Variants in XRCC5 observed in about 807,000 individuals in gnomAD.
XRCC5 encodes X-ray repair cross complementing 5, also known as DNA repair protein Ku80.
XRCC5 carries 12 observed loss-of-function variants against 95.7 expected under a neutral mutation model. The observed-to-expected ratio is 0.13, with a 90% CI of 0.08 to 0.20. The LOEUF (loss-of-function observed/expected upper bound fraction) is 0.20, where lower values mean the gene tolerates loss of function less well. XRCC5 is among the 10% of genes least tolerant of loss of function. The probability of loss-of-function intolerance (pLI) is 1.00; values close to 1 mark genes in which losing one functional copy is unlikely to be tolerated. For missense variants in XRCC5, 595 were observed against 873.9 expected (o/e 0.68, Z 4.02); for synonymous variants, 281 against 290.3 (o/e 0.97, Z 0.33).
intron 2 of XRCC5, among the ~76,000 whole-genome samples, chr2:216,115,315 GAGTCAGAATCAGGA>G (rs1039924057): frequency 4.6e-5 from 7 of 152,294 alleles, no homozygotes; most frequent in South Asian, 4.1e-4. Context: ...TAGAGAGAAA[GAGTCAGAATCAGGA>G]AGTCAGAATC....
At chr2:216,129,611 T>C (rs904571900) in intron 8 of XRCC5, among the ~76,000 whole-genome samples, 6 of 152,234 alleles carry the variant, frequency 3.9e-5, no homozygotes, top group African/African-American at 1.4e-4. Context: ...ATTTCCCTGT[T>C]AATTTTTTGT....
chr2:216,118,697 G>A (rs549313031), intron 4 of XRCC5, among the ~76,000 whole-genome samples: 1 of 152,296 alleles, frequency 6.6e-6, no homozygotes, highest in East Asian at 1.9e-4. Context: ...TTTAGAAAGT[G>A]AACCTGAGCA....
intron 3 of XRCC5, 80 bp downstream of exon 3, chr2:216,116,922 C>G: frequency 6.7e-7 from 1 of 1,488,938 alleles, no homozygotes; most frequent in Non-Finnish European, 9.2e-7. Context: ...GAGACACCCC[C>G]AGAGTTTCAG....
intron 2 of XRCC5, among the ~76,000 whole-genome samples, 165 bp downstream of exon 2, chr2:216,113,294 A>G (rs1696626953): frequency 6.6e-6 from 1 of 152,142 alleles, no homozygotes; most frequent in Admixed American, 6.5e-5. Flanking sequence ...ACCTACCACT[A>G]GAGTCTGATA....
intron 2 of XRCC5, among the ~76,000 whole-genome samples, chr2:216,114,242 C>G (rs1361478594): frequency 6.6e-6 from 1 of 152,084 alleles, no homozygotes; most frequent in African/African-American, 2.4e-5. Context: ...TTTGCTAAGT[C>G]CATGAGTTCC....
At chr2:216,155,373 A>G (rs1038807761) in intron 14 of XRCC5, among the ~76,000 whole-genome samples, 3 of 152,230 alleles carry the variant, frequency 2.0e-5, no homozygotes, top group African/African-American at 4.8e-5. Context: ...CAGGAGCAGA[A>G]ACTCAGCTGG....
chr2:216,198,752 C>T (rs930841423), intron 19 of XRCC5, among the ~76,000 whole-genome samples: 2 of 151,992 alleles, frequency 1.3e-5, no homozygotes, highest in African/African-American at 4.8e-5. Flanking sequence ...GGGGTTTTAC[C>T]ATGTTGGCAA....
chr2:216,190,401 C>T, intron 17 of XRCC5, 67 bp downstream of exon 17: 2 of 1,383,720 alleles, frequency 1.4e-6, no homozygotes, highest in Non-Finnish European at 2.0e-6. Context: ...AAGAGGCATA[C>T]AGCATCCTGG....
chr2:216,149,374 A>T, intron 14 of XRCC5, among the ~76,000 whole-genome samples: 1 of 152,116 alleles, frequency 6.6e-6, no homozygotes, highest in East Asian at 1.9e-4. Flanking sequence ...GGAAATTGAT[A>T]GATTGTTTCT....
At chr2:216,157,042 A>G (rs760983877) in intron 14 of XRCC5, among the ~76,000 whole-genome samples, 23 of 152,172 alleles carry the variant, frequency 1.5e-4, no homozygotes, top group Non-Finnish European at 2.8e-4. Context: ...AGCCGAGAGC[A>G]GTGTGCCCAG....
At chr2:216,123,675 G>C (rs1021675700) in intron 6 of XRCC5, among the ~76,000 whole-genome samples, 26 of 152,248 alleles carry the variant, frequency 1.7e-4, no homozygotes, top group African/African-American at 6.3e-4. Context: ...GCATGGTGGT[G>C]CATGCCTGTA....
At chr2:216,154,511 A>C (rs372984936) in intron 14 of XRCC5, among the ~76,000 whole-genome samples, 3 of 152,212 alleles carry the variant, frequency 2.0e-5, no homozygotes, top group African/African-American at 7.2e-5. Flanking sequence ...CCTCACTGAC[A>C]TAAGCTCTTC....
intron 14 of XRCC5, among the ~76,000 whole-genome samples, chr2:216,157,089 C>T (rs76730800): frequency 0.015 from 2,232 of 152,300 alleles, 23 homozygotes; most frequent in Non-Finnish European, 0.024. Flanking sequence ...ACAGCACGCA[C>T]GCTGCCTAGA....
intron 12 of XRCC5, among the ~76,000 whole-genome samples, chr2:216,139,932 T>A (rs952765356): frequency 6.6e-6 from 1 of 152,254 alleles, no homozygotes. Context: ...TTACATTTTC[T>A]CCATTGGAAA....
intron 10 of XRCC5, among the ~76,000 whole-genome samples, chr2:216,135,083 G>A (rs750584570): frequency 2.8e-4 from 30 of 105,698 alleles, no homozygotes; most frequent in Non-Finnish European, 5.2e-4. Context: ...CCAGGTCTTG[G>A]GGTCATAGTT....
chr2:216,194,797 C>T, intron 18 of XRCC5, 122 bp from the exon 19 acceptor site: 4 of 911,630 alleles, frequency 4.4e-6, no homozygotes, highest in Non-Finnish European at 7.1e-6. Context: ...ATAGTGGGAC[C>T]CTGTCTCTAT....
chr2:216,151,902 G>T (rs1478497890), intron 14 of XRCC5, among the ~76,000 whole-genome samples: 1 of 152,182 alleles, frequency 6.6e-6, no homozygotes, highest in Non-Finnish European at 1.5e-5. Context: ...GTTCCACATG[G>T]CTGGGGAGGC....
At chr2:216,118,801 G>A (rs1449471341) in intron 4 of XRCC5, among the ~76,000 whole-genome samples, 2 of 152,110 alleles carry the variant, frequency 1.3e-5, no homozygotes, top group East Asian at 1.9e-4. Flanking sequence ...ATTTGAGTTC[G>A]GAATCCAGAA....
At position 216,190,226 on chromosome 2, in the gene XRCC5, G is replaced by T; in HGVS notation, c.1836G>T (p.Ala612=). ...AAAATTTGTTGTCTTATGTTTTAGC[G>T]AGTAACCAGCTCATAAATCACATCG... is the stretch of plus-strand genomic sequence containing the variant. ...VKQKKASFEE[A]SNQLINHIEQ... The change falls in exon 17 of 21, where the codon GCG becomes GCT. Residue 612 remains alanine (A), a splice_region_variant and synonymous_variant. Coordinates refer to ENST00000392132, the MANE Select transcript of XRCC5 (RefSeq NM_021141.4). 1 of 1,613,304 alleles carries T rather than the reference G, an allele frequency of 6.2e-7. No individual in the cohort carries two copies. The highest frequency in any genetic ancestry group is 1.1e-5 in the South Asian group (1 of 91,008).
Sources: gnomAD v4.1 joint callset for allele counts (sites outside exome capture counted in the v4.1 genomes callset) on GRCh38, gnomAD v4.1.1 for gene constraint, MANE v1.5 for transcripts, NCBI Gene and HGNC (gene_info 2026-07-23, HGNC 2026-07-21) for gene names.